The following CNTN5 variants were observed in gnomAD, a reference collection of about 807,000 sequenced individuals.
CNTN5 encodes contactin 5.
Under a neutral mutation model 129.1 loss-of-function variants are expected in CNTN5, and 77 were observed. That is an observed-to-expected ratio of 0.60 (90% CI 0.50 to 0.72). CNTN5 has a LOEUF of 0.72. CNTN5 is among the 30% of genes least tolerant of loss of function. CNTN5 has a pLI of 0.00. For missense variants in CNTN5, 1,478 were observed against 1,328.8 expected (o/e 1.11, Z -1.75); for synonymous variants, 509 against 465.6 (o/e 1.09, Z -1.20).
intron 1 of CNTN5, among the ~76,000 whole-genome samples, chr11:99,119,129 A>G (rs561612781): frequency 2.6e-5 from 4 of 152,172 alleles, no homozygotes; most frequent in South Asian, 2.1e-4. Flanking sequence ...TCCATTATCA[A>G]TCTCGCTTTA....
At chr11:100,138,920 C>A (rs74930095) in intron 13 of CNTN5, among the ~76,000 whole-genome samples, 3,110 of 152,108 alleles carry the variant, frequency 0.02, 99 homozygotes, top group African/African-American at 0.071. Context: ...GAAGTGATAT[C>A]TTTCTAGACG....
chr11:100,270,185 A>G (rs898926366), intron 17 of CNTN5, among the ~76,000 whole-genome samples: 1 of 152,164 alleles, frequency 6.6e-6, no homozygotes, highest in African/African-American at 2.4e-5. Flanking sequence ...CCTTTCACAG[A>G]GCTACTTATT....
intron 2 of CNTN5, among the ~76,000 whole-genome samples, chr11:99,542,747 A>G (rs1358954072): frequency 6.6e-6 from 1 of 152,184 alleles, no homozygotes; most frequent in African/African-American, 2.4e-5. Flanking sequence ...TATTAGAGGC[A>G]TCTCTCATTA....
intron 3 of CNTN5, among the ~76,000 whole-genome samples, chr11:99,646,256 A>G (rs1437073769): frequency 6.6e-6 from 1 of 152,226 alleles, no homozygotes; most frequent in African/African-American, 2.4e-5. Flanking sequence ...CTGGATAGCA[A>G]ACTACATAAG....
At chr11:99,208,074 G>A (rs569330820) in intron 1 of CNTN5, among the ~76,000 whole-genome samples, 1 of 152,300 alleles carries the variant, frequency 6.6e-6, no homozygotes, top group East Asian at 1.9e-4. Flanking sequence ...TTGACAGAAT[G>A]TTGAATGGCA....
At chr11:99,767,983 C>T (rs529894595) in intron 3 of CNTN5, among the ~76,000 whole-genome samples, 2 of 152,194 alleles carry the variant, frequency 1.3e-5, no homozygotes, top group South Asian at 4.1e-4. Flanking sequence ...TTCAGCTTGT[C>T]ATCTGCTTCT....
intron 14 of CNTN5, among the ~76,000 whole-genome samples, chr11:100,192,593 A>G (rs530590615): frequency 6.6e-6 from 1 of 152,012 alleles, no homozygotes; most frequent in South Asian, 2.1e-4. Flanking sequence ...GTCTTGAGGT[A>G]TCTATGACCA....
At chr11:100,170,608 A>C (rs949657638) in intron 13 of CNTN5, among the ~76,000 whole-genome samples, 7 of 151,996 alleles carry the variant, frequency 4.6e-5, no homozygotes, top group Admixed American at 3.3e-4. Context: ...GTTGTTTCAC[A>C]TAAGTGAAAA....
intron 1 of CNTN5, among the ~76,000 whole-genome samples, chr11:99,213,898 T>C (rs894192349): frequency 1.3e-5 from 2 of 152,154 alleles, no homozygotes; most frequent in African/African-American, 2.4e-5. Context: ...AAGTACAGTG[T>C]TTTATTTTGA....
chr11:99,439,050 T>C (rs1943710243), intron 2 of CNTN5, among the ~76,000 whole-genome samples: 1 of 152,248 alleles, frequency 6.6e-6, no homozygotes, highest in Middle Eastern at 3.2e-3. Context: ...TAAAGTAATA[T>C]GTGCCATTTA....
intron 13 of CNTN5, among the ~76,000 whole-genome samples, chr11:100,105,600 TA>T (rs1212196160): frequency 6.6e-6 from 1 of 152,152 alleles, no homozygotes; most frequent in African/African-American, 2.4e-5. Context: ...ACCACAAACA[TA>T]GCACTTTTCC....
intron 9 of CNTN5, among the ~76,000 whole-genome samples, chr11:100,006,607 T>C (rs1940207925): frequency 6.6e-6 from 1 of 152,162 alleles, no homozygotes; most frequent in Admixed American, 6.6e-5. Context: ...ATCTTCCTGT[T>C]CCACTTCTAG....
At chr11:99,391,026 G>T (rs1397209227) in intron 2 of CNTN5, among the ~76,000 whole-genome samples, 1 of 151,844 alleles carries the variant, frequency 6.6e-6, no homozygotes, top group Non-Finnish European at 1.5e-5. Context: ...ACTTTTAAAA[G>T]AAATCTAACA....
In CNTN5 at chr11:99,128,041, A is replaced by G. The variant is rs146374990; in HGVS notation, c.-210+106771A>G. Among the ~76,000 whole-genome samples the G allele has an allele frequency of 1.3e-3, 194 of 152,354 alleles. 1 individual carries two copies. Among genetic ancestry groups the G allele is most frequent in the African/African-American group, 4.4e-3 (182 of 41,596 alleles). On this transcript the variant is annotated intron_variant, in intron 1 of 24. Transcript: ENST00000524871. ...TATAAATGGTTGATAATCACTTTACAGATGATCAACCTCATTCCAATAACA... is the reference window on the plus strand; with the variant it reads ...TATAAATGGTTGATAATCACTTTACGGATGATCAACCTCATTCCAATAACA...
chr11:100,140,143 A>T lies in CNTN5; in HGVS notation c.1581-50983A>T, dbSNP rs183070485. 2.6e-5 allele frequency among the ~76,000 whole-genome samples: 4 copies of T among 152,322 alleles called. No individual in the cohort carries two copies. In the East Asian group the frequency reaches 7.7e-4, roughly 29 times the overall value. On this transcript the variant is annotated intron_variant, in intron 13 of 24. Coordinates refer to ENST00000524871, the MANE Select transcript of CNTN5 (RefSeq NM_014361.4). ...AGCCAAAAGAAGTTGGTGTGAAATA[A>T]TTGCCTGAAAGAGCAGAAGAATAAA...
chr11:99,499,223 A>T (rs1946339359), intron 2 of CNTN5, among the ~76,000 whole-genome samples: 1 of 152,136 alleles, frequency 6.6e-6, no homozygotes, highest in African/African-American at 2.4e-5. Context: ...TCTGTTCTTC[A>T]TGAATTTTTA....
At chr11:99,868,413 G>T (rs1020145219) in intron 6 of CNTN5, among the ~76,000 whole-genome samples, 2 of 152,120 alleles carry the variant, frequency 1.3e-5, no homozygotes, top group African/African-American at 4.8e-5. Context: ...AAAACAACTT[G>T]TAAAGATAAG....
At chr11:99,426,617 C>G (rs1336040378) in intron 2 of CNTN5, among the ~76,000 whole-genome samples, 6 of 152,156 alleles carry the variant, frequency 3.9e-5, no homozygotes, top group Non-Finnish European at 7.3e-5. Flanking sequence ...GGTCTTGTAT[C>G]AGTGCCTTTG....
intron 9 of CNTN5, among the ~76,000 whole-genome samples, chr11:100,046,767 A>G (rs1353259163): frequency 2.0e-5 from 3 of 152,138 alleles, no homozygotes; most frequent in Non-Finnish European, 2.9e-5. Flanking sequence ...TTAGGCCTCA[A>G]TTGTAGACTA....
Sources: allele counts gnomAD v4.1 joint callset (sites outside exome capture counted in the v4.1 genomes callset), GRCh38; gene constraint gnomAD v4.1.1; transcripts MANE v1.5; gene names NCBI Gene and HGNC (gene_info 2026-07-23, HGNC 2026-07-21).